The following E2F3 variants were observed in gnomAD, a reference collection of about 807,000 sequenced individuals.
The protein encoded by E2F3 is transcription factor E2F3.
In E2F3, 11 loss-of-function variants were observed where a neutral mutation model predicts 44.4. The ratio of observed to expected loss-of-function variants is 0.25; its 90% CI spans 0.16 to 0.41. The LOEUF (loss-of-function observed/expected upper bound fraction) is 0.41, where lower values mean the gene tolerates loss of function less well. Among genes scored for constraint, E2F3 ranks in the 10% least tolerant of loss-of-function variants. The probability of loss-of-function intolerance (pLI) is 1.00; values close to 1 mark genes in which losing one functional copy is unlikely to be tolerated. For missense variants in E2F3, 487 were observed against 583.6 expected (o/e 0.83, Z 1.70); for synonymous variants, 249 against 253.0 (o/e 0.98, Z 0.15).
chr6:20,423,027 C>T (rs148191836), intron 1 of E2F3, among the ~76,000 whole-genome samples: 128 of 152,322 alleles, frequency 8.4e-4, no homozygotes, highest in African/African-American at 3.0e-3. Context: ...CCGTGGAGCA[C>T]AATGAAATGT....
At chr6:20,484,273 T>G (rs1762321675) in intron 4 of E2F3, among the ~76,000 whole-genome samples, 1 of 152,224 alleles carries the variant, frequency 6.6e-6, no homozygotes, top group Non-Finnish European at 1.5e-5. Flanking sequence ...GAAGCACTTT[T>G]AAGTTTGTAA....
rs1397080640 is a variant in E2F3, at chr6:20,492,395, T to G, written c.*1965T>G. The G allele has an allele frequency of 1.3e-5, 3 of 233,596 alleles. No homozygotes were observed. Among genetic ancestry groups the G allele is most frequent in the African/African-American group, 2.2e-5 (1 of 45,302 alleles). 14.5% of individuals were successfully genotyped at this position (233,596 alleles called of 1,614,324 possible). Reference sequence around the variant, plus strand: ...CACACACTGGACTTGGTACAAAATGTCGGTGTGGTCCTAGATGAAGCATTG... The same window carrying G: ...CACACACTGGACTTGGTACAAAATGGCGGTGTGGTCCTAGATGAAGCATTG... On this transcript the variant is annotated 3_prime_UTR_variant, in exon 7 of 7. Coordinates refer to ENST00000346618, the MANE Select transcript of E2F3 (RefSeq NM_001949.5).
intron 1 of E2F3, among the ~76,000 whole-genome samples, chr6:20,462,910 A>T (rs116135097): frequency 0.016 from 1,610 of 98,242 alleles, 53 homozygotes; most frequent in African/African-American, 0.063. Flanking sequence ...ACAGGGTCTC[A>T]CTGTATCACC....
chr6:20,462,523 T>G (rs1199518031), intron 1 of E2F3, among the ~76,000 whole-genome samples: 1 of 151,580 alleles, frequency 6.6e-6, no homozygotes, highest in African/African-American at 2.4e-5. Flanking sequence ...AGTGGCGTGA[T>G]CTTGGCTCAC....
At chr6:20,443,806 G>A (rs1171481941) in intron 1 of E2F3, among the ~76,000 whole-genome samples, 1 of 152,152 alleles carries the variant, frequency 6.6e-6, no homozygotes, top group Admixed American at 6.5e-5. Flanking sequence ...TTATTTGAGA[G>A]TTAATTGTGT....
intron 1 of E2F3, among the ~76,000 whole-genome samples, chr6:20,412,437 C>A (rs139517910): frequency 5.3e-4 from 81 of 152,078 alleles, no homozygotes; most frequent in Admixed American, 2.5e-3. Context: ...ATTGGGGAGG[C>A]CCTTTCTGGC....
intron 2 of E2F3, 62 bp from the exon 3 acceptor site, chr6:20,481,144 A>T: frequency 4.0e-6 from 6 of 1,482,116 alleles, no homozygotes; most frequent in Non-Finnish European, 4.7e-6. Flanking sequence ...CTGCAAAGAC[A>T]CCCTTCATTT....
rs776215594 is a variant in E2F3 at position 20,402,496 on chromosome 6, C to T, written c.264C>T (p.Ala88=). The change falls in exon 1 of 7, where the codon GCC becomes GCT. Residue 88 remains alanine, a synonymous_variant. Coordinates refer to ENST00000346618, the MANE Select transcript of E2F3 (RefSeq NM_001949.5). This position sits in a 1 kb window ranked among gnomAD's most constrained non-coding sequence, Gnocchi z 5.6. ...AVAAGPLLPS[A]PGAEQTAGSL... Reference sequence around the variant, plus strand: ...CCGCCGGCCCCCTCCTCCCCAGTGCCCCCGGCGCGGAGCAGACCGCCGGCA... The same window carrying T: ...CCGCCGGCCCCCTCCTCCCCAGTGCTCCCGGCGCGGAGCAGACCGCCGGCA... 2.5e-6 allele frequency: 4 copies of T among 1,606,406 alleles called. No individual in the cohort carries two copies. The highest frequency in any genetic ancestry group is 3.4e-6 in the Non-Finnish European group (4 of 1,179,144).
At position 20,469,101 on chromosome 6, in the gene E2F3, C is replaced by T. The variant is rs140774617; in HGVS notation, c.394-10745C>T. 8.6e-4 allele frequency among the ~76,000 whole-genome samples: 131 copies of T among 152,188 alleles called. 2 individuals carry two copies. Among genetic ancestry groups the T allele is most frequent in the Admixed American group, 5.8e-3 (89 of 15,284 alleles). On this transcript the variant is annotated intron_variant, in intron 1 of 6. Coordinates refer to ENST00000346618, the MANE Select transcript of E2F3 (RefSeq NM_001949.5). ...ATTTGGTGAGGGCAAATGGTGCCAA[C>T]GAGCTAGAAAGACAATTGGAAACTC...
chr6:20,451,011 G>A (rs1452382109), intron 1 of E2F3, among the ~76,000 whole-genome samples: 1 of 152,188 alleles, frequency 6.6e-6, no homozygotes, highest in African/African-American at 2.4e-5. Flanking sequence ...CCAGTACCAT[G>A]CTGTTTTGGT....
At chr6:20,432,757 A>G (rs538274483) in intron 1 of E2F3, among the ~76,000 whole-genome samples, 1 of 152,298 alleles carries the variant, frequency 6.6e-6, no homozygotes, top group East Asian at 1.9e-4. Flanking sequence ...ACGTTTCCTC[A>G]CGTAGACTGT....
intron 2 of E2F3, among the ~76,000 whole-genome samples, chr6:20,480,868 C>G (rs1168389147): frequency 2.6e-5 from 4 of 152,182 alleles, no homozygotes; most frequent in African/African-American, 7.2e-5. Flanking sequence ...GAGGCCACAG[C>G]ACTCTTTCAT....
intron 1 of E2F3, among the ~76,000 whole-genome samples, chr6:20,464,838 C>T (rs1022989958): frequency 6.6e-6 from 1 of 152,238 alleles, no homozygotes. Context: ...ACTTTCCTAA[C>T]TGTAGCCTTC....
At chr6:20,409,202 CTT>C (rs980322559) in intron 1 of E2F3, among the ~76,000 whole-genome samples, 2 of 152,084 alleles carry the variant, frequency 1.3e-5, no homozygotes, top group African/African-American at 4.8e-5. Context: ...GAGTGGTTAC[CTT>C]TTTTAAAAAT....
intron 1 of E2F3, among the ~76,000 whole-genome samples, chr6:20,444,726 C>T (rs999327039): frequency 3.3e-5 from 5 of 151,566 alleles, no homozygotes; most frequent in South Asian, 2.1e-4. Context: ...AAAAACCAGA[C>T]GAAAAAAACA....
intron 1 of E2F3, among the ~76,000 whole-genome samples, chr6:20,423,090 A>G (rs551436435): frequency 2.6e-5 from 4 of 152,286 alleles, no homozygotes; most frequent in African/African-American, 7.2e-5. Context: ...TGATTTTTCT[A>G]TGATGTATTT....
rs181276538 is a variant in E2F3 at position 20,450,443 on chromosome 6, A to C, written c.394-29403A>C. Among the ~76,000 whole-genome samples the C allele has an allele frequency of 4.3e-4, 65 of 152,100 alleles. 1 individual carries two copies. The highest frequency in any genetic ancestry group is 8.8e-5 in the Non-Finnish European group (6 of 68,008). On this transcript the variant is annotated intron_variant, in intron 1 of 6. Coordinates refer to ENST00000346618, the MANE Select transcript of E2F3 (RefSeq NM_001949.5). The stretch of plus-strand genomic sequence containing the variant: ...TGTGTCTTTTGAAAAGTGTCTGCTC[A>C]TGTCCTTTGCCCACGTTTTAATGGG...
chr6:20,418,308 C>G (rs1020814007), intron 1 of E2F3, among the ~76,000 whole-genome samples: 1 of 152,210 alleles, frequency 6.6e-6, no homozygotes, highest in Non-Finnish European at 1.5e-5. Flanking sequence ...TCACATTCGA[C>G]AGTAACAAGT....
intron 1 of E2F3, among the ~76,000 whole-genome samples, chr6:20,412,722 G>A (rs1174608777): frequency 6.6e-6 from 1 of 152,154 alleles, no homozygotes; most frequent in African/African-American, 2.4e-5. Context: ...GTGCCAGAGG[G>A]GATGGCAGGC....
Sources: gnomAD v4.1 joint callset for allele counts (sites outside exome capture counted in the v4.1 genomes callset) on GRCh38, gnomAD v4.1.1 for gene constraint, Gnocchi (gnomAD v3.1) non-coding constraint, MANE v1.5 for transcripts, NCBI Gene and HGNC (gene_info 2026-07-23, HGNC 2026-07-21) for gene names.